The following CHRNA3 variants were observed in gnomAD, a reference collection of about 807,000 sequenced individuals.
CHRNA3 encodes the protein cholinergic receptor nicotinic alpha 3 subunit, also known as neuronal acetylcholine receptor subunit alpha-3.
Under a neutral mutation model 41.9 loss-of-function variants are expected in CHRNA3, and 34 were observed. That is an observed-to-expected ratio of 0.81 (90% CI 0.62 to 1.08). CHRNA3 has a LOEUF of 1.08. Among genes scored for constraint, CHRNA3 ranks in the 50% least tolerant of loss-of-function variants. The probability of loss-of-function intolerance (pLI) is 0.00; values close to 1 mark genes in which losing one functional copy is unlikely to be tolerated. For synonymous variants in CHRNA3, 281 were observed against 265.2 expected (o/e 1.06, Z -0.58); for missense variants, 542 against 638.3 (o/e 0.85, Z 1.63).
rs752238258 is a variant in CHRNA3 at position 78,596,577 on chromosome 15, C to A, written c.*27G>T. 6.6e-7 allele frequency: 1 copy of A among 1,518,432 alleles called. No homozygotes were observed. Among genetic ancestry groups the A allele is most frequent in the Non-Finnish European group, 8.8e-7 (1 of 1,136,304 alleles). 94.1% of individuals were successfully genotyped at this position (1,518,432 alleles called of 1,614,324 possible). On this transcript the variant is annotated 3_prime_UTR_variant, in exon 6 of 6. Transcript: ENST00000326828. ...TCCTCCTGCCCTGACACAAGGAAGT[C>A]TCCCAGGCAGGCACACAGCTTAGTG...
intron 4 of CHRNA3, 128 bp from the exon 5 acceptor site, chr15:78,602,392 C>CAT: frequency 9.5e-7 from 1 of 1,049,060 alleles, no homozygotes; most frequent in South Asian, 1.7e-5. Context: ...GCTAAAGTGC[C>CAT]ATAAAAGGTC....
At chr15:78,593,328 G>GT (rs2053042949), downstream of CHRNA3, 4 of 1,390,564 alleles carry the variant, frequency 2.9e-6, no homozygotes, top group Non-Finnish European at 2.9e-6. Flanking sequence ...TTATGAAAAT[G>GT]TAAGTTATGT....
At chr15:78,613,944 T>C (rs1280664737) in intron 4 of CHRNA3, among the ~76,000 whole-genome samples, 1 of 150,116 alleles carries the variant, frequency 6.7e-6, no homozygotes, top group East Asian at 2.0e-4. Context: ...AGACTCCATC[T>C]CGGGGTGGGG....
At position 78,595,372 on chromosome 15, in the gene CHRNA3, T is replaced by TCTCG. The variant is rs397717269; in HGVS notation, c.*1231_*1232insCGAG. ...AGTGAGACAAGATTCAAACAGTCTC[T>TCTCG]GTGAATCATCTGTCAGTGGTGATGA... On this transcript the variant is annotated 3_prime_UTR_variant, in exon 6 of 6. Coordinates refer to ENST00000326828, the MANE Select transcript of CHRNA3 (RefSeq NM_000743.5). 121 of 981,850 alleles carry TCTCG rather than the reference T, an allele frequency of 1.2e-4. No homozygotes were observed. Among genetic ancestry groups the TCTCG allele is most frequent in the Non-Finnish European group, 1.4e-4 (118 of 828,686 alleles). 60.8% of individuals were successfully genotyped at this position (981,850 alleles called of 1,614,324 possible).
chr15:78,600,653 G>A (rs575672674), intron 5 of CHRNA3, among the ~76,000 whole-genome samples: 215 of 152,228 alleles, frequency 1.4e-3, no homozygotes, highest in South Asian at 1.2e-3. Flanking sequence ...AGACTGAGGT[G>A]AGCAGATTGA....
intron 4 of CHRNA3, among the ~76,000 whole-genome samples, chr15:78,611,916 C>T (rs1209211569): frequency 2.0e-5 from 3 of 152,016 alleles, no homozygotes; most frequent in African/African-American, 2.4e-5. Context: ...AGCATTCTTA[C>T]ACGCCAATAA....
At position 78,618,656 on chromosome 15, in the gene CHRNA3, T is replaced by C. The variant is rs200410992; in HGVS notation, c.228A>G (p.Glu76=). Residue 76 remains glutamate, a synonymous_variant, in exon 3 of 6, where the codon GAA becomes GAG. Transcript: ENST00000326828. ...GGTTGGTCTCCATGATCTGGTTTAC[T>C]TCATCCTAGAAAGAGGAATTAAAGT... ...VSMSQLVKVD[E]VNQIMETNLW... 25 of 1,614,042 alleles carry C rather than the reference T, an allele frequency of 1.5e-5. No homozygotes were observed. The highest frequency in any genetic ancestry group is 2.0e-5 in the Non-Finnish European group (24 of 1,180,040).
rs185019711 is a variant in CHRNA3 at position 78,620,357 on chromosome 15, T to C, written c.82+356A>G. The stretch of plus-strand genomic sequence containing the variant: ...GAGCGGGAGGCTTGGGCGCGCCAGT[T>C]TGGGAGCCAGTGCGCGGGGCAGGGC... On this transcript the variant is annotated intron_variant, in intron 1 of 5. Coordinates refer to ENST00000326828, the MANE Select transcript of CHRNA3 (RefSeq NM_000743.5). 5.9e-3 allele frequency: 1,024 copies of C among 174,650 alleles called. 18 individuals are homozygous for C. Among genetic ancestry groups the C allele is most frequent in the African/African-American group, 0.025 (945 of 38,010 alleles). The allele number at this position is 174,650 out of a possible 1,614,324, so 10.8% of individuals were successfully genotyped here. A position where few individuals can be genotyped will look rare whatever the true frequency, so the allele number is the denominator to read the frequency against.
intron 3 of CHRNA3, among the ~76,000 whole-genome samples, chr15:78,617,600 A>G (rs956280430): frequency 3.3e-5 from 5 of 152,180 alleles, no homozygotes; most frequent in Non-Finnish European, 7.3e-5. Context: ...TGACCCCTGC[A>G]GGGCCCAGGA....
intron 3 of CHRNA3, among the ~76,000 whole-genome samples, chr15:78,617,933 G>A (rs1285928818): frequency 6.6e-6 from 1 of 152,194 alleles, no homozygotes; most frequent in Non-Finnish European, 1.5e-5. Flanking sequence ...AACAACAGCA[G>A]CATCTTATTC....
chr15:78,617,119 G>A lies in CHRNA3; in HGVS notation c.282C>T (p.Tyr94=). The change falls in exon 4 of 6, where the codon TAC becomes TAT. Residue 94 remains tyrosine (Y), a synonymous_variant. Transcript: ENST00000326828. The stretch of plus-strand genomic sequence containing the variant: ...AGTCAGAGGGGTTCCATTTCAGCTT[G>A]TAGTCATTCCAGATCTCGGGGAAGG... ...NLWLKQIWND[Y]KLKWNPSDYG... The A allele has an allele frequency of 6.2e-7, 1 of 1,611,606 alleles. No individual in the cohort carries two copies. The highest frequency in any genetic ancestry group is 8.5e-7 in the Non-Finnish European group (1 of 1,177,962).
In CHRNA3 at chr15:78,596,507, CT is replaced by C; in HGVS notation, c.*96del. 1 of 1,336,354 alleles carries C rather than the reference CT, an allele frequency of 7.5e-7. No individual in the cohort carries two copies. The highest frequency in any genetic ancestry group is 2.6e-5 in the South Asian group (1 of 38,744). 82.8% of individuals were successfully genotyped at this position (1,336,354 alleles called of 1,614,324 possible). A position where few individuals can be genotyped will look rare whatever the true frequency, so the allele number is the denominator to read the frequency against. On this transcript the variant is annotated 3_prime_UTR_variant, in exon 6 of 6. Coordinates refer to ENST00000326828, the MANE Select transcript of CHRNA3 (RefSeq NM_000743.5). ...AAACCTCGAAATGCCAAAAACAAAGCTGGTAGCTTGATAACAGAAAGTACGT... is the reference window on the plus strand; with the variant it reads ...AAACCTCGAAATGCCAAAAACAAAGCGGTAGCTTGATAACAGAAAGTACGT...
intron 3 of CHRNA3, among the ~76,000 whole-genome samples, chr15:78,617,458 G>A (rs1012578075): frequency 3.3e-5 from 5 of 152,158 alleles, no homozygotes; most frequent in Admixed American, 6.5e-5. Flanking sequence ...TGGACTTCAT[G>A]CATCATGTCC....
chr15:78,610,948 C>T (rs554601184), intron 4 of CHRNA3, among the ~76,000 whole-genome samples: 335 of 152,246 alleles, frequency 2.2e-3, no homozygotes, highest in Admixed American at 4.2e-3. Flanking sequence ...AACAACTCTA[C>T]GCAAATAAAC....
At chr15:78,613,444 A>C (rs1400509025) in intron 4 of CHRNA3, among the ~76,000 whole-genome samples, 1 of 152,000 alleles carries the variant, frequency 6.6e-6, no homozygotes, top group African/African-American at 2.4e-5. Flanking sequence ...ACTGGAAACC[A>C]TCATTCTCAG....
chr15:78,610,125 A>G (rs2053359796), intron 4 of CHRNA3, among the ~76,000 whole-genome samples: 1 of 152,142 alleles, frequency 6.6e-6, no homozygotes, highest in Non-Finnish European at 1.5e-5. Context: ...CACAATAATA[A>G]TGGGAGACTT....
chr15:78,618,378 A>C (rs2053497262), intron 3 of CHRNA3: 2 of 552,894 alleles, frequency 3.6e-6, no homozygotes. Flanking sequence ...GTCTTTCTCC[A>C]GGCTGCAACC....
At chr15:78,599,598 G>C (rs1310674462) in intron 5 of CHRNA3, among the ~76,000 whole-genome samples, 4 of 151,150 alleles carry the variant, frequency 2.6e-5, no homozygotes, top group Non-Finnish European at 1.5e-5. Flanking sequence ...GAAGTGCAGA[G>C]AACTGAGCTG....
intron 4 of CHRNA3, among the ~76,000 whole-genome samples, chr15:78,606,313 C>CA (rs984174917): frequency 1.0e-4 from 9 of 86,686 alleles, no homozygotes; most frequent in East Asian, 2.6e-4. Context: ...GTAACAAGAG[C>CA]AAAAAAACAG....
Sources: allele counts gnomAD v4.1 joint callset (sites outside exome capture counted in the v4.1 genomes callset), GRCh38; gene constraint gnomAD v4.1.1; transcripts MANE v1.5; gene names NCBI Gene and HGNC (gene_info 2026-07-23, HGNC 2026-07-21).